ZNF132: variants seen among roughly 807,000 people sequenced by gnomAD.
The protein encoded by ZNF132 is zinc finger protein 132 (clone pHZ-12).
ZNF132 carries 6 observed loss-of-function variants against 9.3 expected under a neutral mutation model. The ratio of observed to expected loss-of-function variants is 0.65; its 90% CI spans 0.35 to 1.28. ZNF132 has a LOEUF of 1.28. Ranked by LOEUF, ZNF132 falls within the 50% of genes most tolerant of loss-of-function variation. The pLI, the probability that ZNF132 is intolerant of heterozygous loss-of-function variation, is 0.03. For synonymous variants in ZNF132, 296 were observed against 292.0 expected (o/e 1.01, Z -0.14); for missense variants, 877 against 843.2 (o/e 1.04, Z -0.50).
In ZNF132 at chr19:58,433,072, T is replaced by G. The variant is rs1215799528; in HGVS notation, c.*251A>C. On this transcript the variant is annotated 3_prime_UTR_variant, in exon 3 of 3. Transcript: ENST00000254166. Reference sequence around the variant, plus strand: ...AAGGCTCAGGGTACTGTTTTCCCCATGCATGAGGACAGGACTGCTGCAAAT... The same window carrying G: ...AAGGCTCAGGGTACTGTTTTCCCCAGGCATGAGGACAGGACTGCTGCAAAT... 1 of 416,804 alleles carries G rather than the reference T, an allele frequency of 2.4e-6. No individual in the cohort carries two copies. Among genetic ancestry groups the G allele is most frequent in the East Asian group, 3.3e-5 (1 of 30,594 alleles). 25.8% of individuals were successfully genotyped at this position (416,804 alleles called of 1,614,324 possible).
Position 58,434,417 on chromosome 19 carries a change from C to T in ZNF132, c.1027G>A (p.Gly343Arg). The change falls in exon 3 of 3, where the codon GGA becomes AGA. Residue 343 changes from glycine to arginine, a missense_variant. Coordinates refer to ENST00000254166, the MANE Select transcript of ZNF132 (RefSeq NM_003433.4). ...TCATCACACTCATAAGGTCTTTCTCCTGAGTGAATTCTCTGATGATGAACA... is the reference window on the plus strand; with the variant it reads ...TCATCACACTCATAAGGTCTTTCTCTTGAGTGAATTCTCTGATGATGAACA... Reference protein sequence around the residue: ...TFVHHQRIHSGERPYECDECG... With the variant: ...TFVHHQRIHSRERPYECDECG... The T allele has an allele frequency of 6.2e-7, 1 of 1,614,226 alleles. No individual in the cohort carries two copies. Among genetic ancestry groups the T allele is most frequent in the Admixed American group, 1.7e-5 (1 of 60,022 alleles).
intron 2 of ZNF132, chr19:58,435,750 T>A (rs2052769699): frequency 6.4e-6 from 1 of 155,898 alleles, no homozygotes; most frequent in South Asian, 2.0e-4. Context: ...CACACAAAAA[T>A]GTGTACAGGA....
Position 58,434,730 on chromosome 19 carries a change from G to T in ZNF132, c.714C>A (p.Cys238Ter), listed in dbSNP as rs762873569. The change falls in exon 3 of 3, where the codon TGC becomes TGA. Residue 238 changes from cysteine to a stop codon, truncating the protein, a stop_gained. Transcript: ENST00000254166. LOFTEE classifies it low-confidence loss of function (END_TRUNC). ...TCAGGAAGGCTTTTCCACAGTTGCTGCACTCGAAGAGTTTCTGTGTGGTAC... is the reference window on the plus strand; with the variant it reads ...TCAGGAAGGCTTTTCCACAGTTGCTTCACTCGAAGAGTTTCTGTGTGGTAC... The part of the protein sequence containing the change: ...EVCTTQKLFE[C>*]SNCGKAFLKS... 103 of 1,614,076 alleles carry T rather than the reference G, an allele frequency of 6.4e-5. 1 individual carries two copies. The highest frequency in any genetic ancestry group is 3.3e-4 in the Middle Eastern group (2 of 6,084).
intron 1 of ZNF132, among the ~76,000 whole-genome samples, 183 bp downstream of exon 1, chr19:58,439,576 A>G (rs1240798333): frequency 6.6e-6 from 1 of 152,220 alleles, no homozygotes; most frequent in Non-Finnish European, 1.5e-5. Context: ...ATCCCTCGAT[A>G]TAACCCCTTG....
intron 1 of ZNF132, 128 bp downstream of exon 1, chr19:58,439,631 C>G: frequency 1.9e-6 from 2 of 1,036,132 alleles, no homozygotes; most frequent in South Asian, 3.7e-5. Context: ...AGGGCAGGGC[C>G]CAGGACCCAC....
intron 1 of ZNF132, among the ~76,000 whole-genome samples, chr19:58,439,538 C>T (rs1217757116): frequency 6.6e-6 from 1 of 152,252 alleles, no homozygotes; most frequent in South Asian, 2.1e-4. Context: ...CCTTCCAGAT[C>T]TCATTCCACA....
chr19:58,437,548 A>G (rs773582678), intron 1 of ZNF132, among the ~76,000 whole-genome samples: 3 of 152,174 alleles, frequency 2.0e-5, no homozygotes, highest in South Asian at 2.1e-4. Context: ...CCTCCCAAAC[A>G]TAAGAAAATT....
In ZNF132 at chr19:58,439,930, C is replaced by G. The variant is rs1215371826; in HGVS notation, c.-109G>C. 1.7e-6 allele frequency: 2 copies of G among 1,168,152 alleles called. No individual in the cohort carries two copies. Among genetic ancestry groups the G allele is most frequent in the East Asian group, 5.6e-5 (2 of 35,686 alleles). 72.4% of individuals were successfully genotyped at this position (1,168,152 alleles called of 1,614,324 possible). On this transcript the variant is annotated 5_prime_UTR_variant, in exon 1 of 3. Coordinates refer to ENST00000254166, the MANE Select transcript of ZNF132 (RefSeq NM_003433.4). ...CCCAAATGCAAAATGCGCGCAAGGC[C>G]TCTGGGCACCGCAGGGACGAAGGCT...
rs374542260 is a variant in ZNF132 at position 58,435,124 on chromosome 19, T to C, written c.320A>G (p.Asp107Gly). 6.2e-7 allele frequency: 1 copy of C among 1,614,072 alleles called. No homozygotes were observed. Among genetic ancestry groups the C allele is most frequent in the Non-Finnish European group, 8.5e-7 (1 of 1,180,034 alleles). Reference sequence around the variant, plus strand: ...GGAGTTAGCTTTCTTGGTGGAAGGATCTGCATTAGGGATCCTGACCTGTAA... The same window carrying C: ...GGAGTTAGCTTTCTTGGTGGAAGGACCTGCATTAGGGATCCTGACCTGTAA... The part of the protein sequence containing the change: ...EVLQVRIPNA[D>G]PSTKKANSCD... Residue 107 changes from aspartate to glycine, a missense_variant, in exon 3 of 3, where the codon GAT becomes GGT. Coordinates refer to ENST00000254166, the MANE Select transcript of ZNF132 (RefSeq NM_003433.4).
chr19:58,434,677 C>T lies in ZNF132; in HGVS notation c.767G>A (p.Arg256Lys), dbSNP rs2052762571. 3 of 1,614,074 alleles carry T rather than the reference C, an allele frequency of 1.9e-6. No homozygotes were observed. The highest frequency in any genetic ancestry group is 2.5e-6 in the Non-Finnish European group (3 of 1,180,048). Residue 256 changes from arginine to lysine, a missense_variant, in exon 3 of 3, where the codon AGA (arginine) becomes AAA (lysine). Coordinates refer to ENST00000254166, the MANE Select transcript of ZNF132 (RefSeq NM_003433.4). ...LKSSTLPNHL[R>K]THSEEIPFTC... ...AAATGGTATCTCTTCAGAGTGAGTTCTCAGATGGTTGGGGAGAGTGGAGCT... is the reference window on the plus strand; with the variant it reads ...AAATGGTATCTCTTCAGAGTGAGTTTTCAGATGGTTGGGGAGAGTGGAGCT...
rs769340641 is a variant in ZNF132, at chr19:58,434,697, G to A, written c.747C>T (p.Ser249=). The A allele has an allele frequency of 3.7e-6, 6 of 1,614,180 alleles. No individual in the cohort carries two copies. The East Asian group carries it at 1.3e-4, about 36-fold the overall frequency. Residue 249 remains serine (S), a synonymous_variant, in exon 3 of 3, where the codon TCC becomes TCT. Coordinates refer to ENST00000254166, the MANE Select transcript of ZNF132 (RefSeq NM_003433.4). ...SNCGKAFLKS[S]TLPNHLRTHS... is the part of the protein sequence containing the mutation. ...GAGTTCTCAGATGGTTGGGGAGAGT[G>A]GAGCTCTTCAGGAAGGCTTTTCCAC...
rs1599964099 is a variant in ZNF132, at chr19:58,433,235, G to A, written c.*88C>T. The A allele has an allele frequency of 2.9e-6, 4 of 1,378,840 alleles. No homozygotes were observed. The East Asian group carries it at 9.2e-5, about 32-fold the overall frequency. The allele number at this position is 1,378,840 out of a possible 1,614,324, so 85.4% of individuals were successfully genotyped here. On this transcript the variant is annotated 3_prime_UTR_variant, in exon 3 of 3. Coordinates refer to ENST00000254166, the MANE Select transcript of ZNF132 (RefSeq NM_003433.4). ...CTTTTCCACATTAGCAGTACATGTA[G>A]GTAATTTTTCTGGTATGGGGATTCT...
At chr19:58,438,718 C>T (rs931026749) in intron 1 of ZNF132, among the ~76,000 whole-genome samples, 11 of 151,872 alleles carry the variant, frequency 7.2e-5, no homozygotes, top group African/African-American at 2.7e-4. Flanking sequence ...AGTGATCCAC[C>T]TGCCTCGGCC....
chr19:58,436,667 C>CA (rs56078209), intron 2 of ZNF132, among the ~76,000 whole-genome samples: 7,702 of 62,546 alleles, frequency 0.12, 340 homozygotes, highest in East Asian at 0.36. Flanking sequence ...GACTCCATCT[C>CA]AAAAAAAAAA....
In ZNF132 at chr19:58,434,890, A is replaced by G. The variant is rs1170645960; in HGVS notation, c.554T>C (p.Val185Ala). 1.2e-6 allele frequency: 2 copies of G among 1,614,138 alleles called. No individual in the cohort carries two copies. Among genetic ancestry groups the G allele is most frequent in the South Asian group, 2.2e-5 (2 of 91,080 alleles). The change falls in exon 3 of 3, where the codon GTC becomes GCC. Residue 185 changes from valine (V) to alanine (A), a missense_variant. By Grantham distance (64) the Val-to-Ala change is moderately conservative. Transcript: ENST00000254166. ...DRDALMKSSK[V>A]HLSENPFTCR... Reference sequence around the variant, plus strand: ...AGTGAAGGGGTTCTCTGACAGGTGGACTTTAGAGCTCTTCATAAGTGCGTC... The same window carrying G: ...AGTGAAGGGGTTCTCTGACAGGTGGGCTTTAGAGCTCTTCATAAGTGCGTC...
rs1002080233 is a variant in ZNF132, at chr19:58,435,030, C to T, written c.414G>A (p.Glu138=). ...HLAEHQGTQS[E]EKPYTCGACG... is the part of the protein sequence containing the mutation. ...ATGCTCCACATGTGTAGGGTTTCTCCTCAGACTGTGTTCCCTGATGCTCAG... is the reference window on the plus strand; with the variant it reads ...ATGCTCCACATGTGTAGGGTTTCTCTTCAGACTGTGTTCCCTGATGCTCAG... Residue 138 remains glutamate (E), a synonymous_variant, in exon 3 of 3, where the codon GAG becomes GAA. Transcript: ENST00000254166. 1 of 1,614,196 alleles carries T rather than the reference C, an allele frequency of 6.2e-7. No individual in the cohort carries two copies. Among genetic ancestry groups the T allele is most frequent in the Non-Finnish European group, 8.5e-7 (1 of 1,180,042 alleles).
Position 58,434,689 on chromosome 19 carries a change from G to T in ZNF132, c.755C>A (p.Pro252His), listed in dbSNP as rs1465789. Reference sequence around the variant, plus strand: ...TTCAGAGTGAGTTCTCAGATGGTTGGGGAGAGTGGAGCTCTTCAGGAAGGC... The same window carrying T: ...TTCAGAGTGAGTTCTCAGATGGTTGTGGAGAGTGGAGCTCTTCAGGAAGGC... Reference protein sequence around the residue: ...GKAFLKSSTLPNHLRTHSEEI... With the variant: ...GKAFLKSSTLHNHLRTHSEEI... Residue 252 changes from proline to histidine, a missense_variant, in exon 3 of 3, where the codon CCC becomes CAC. By Grantham distance (77) the Pro-to-His change is moderately conservative. Transcript: ENST00000254166. 6.2e-7 allele frequency: 1 copy of T among 1,613,960 alleles called. No homozygotes were observed. The highest frequency in any genetic ancestry group is 1.7e-5 in the Admixed American group (1 of 59,996).
Position 58,439,988 on chromosome 19 carries a change from G to C in ZNF132, c.-167C>G. 1.5e-6 allele frequency: 1 copy of C among 668,086 alleles called. No homozygotes were observed. The highest frequency in any genetic ancestry group is 2.5e-6 in the Non-Finnish European group (1 of 399,908). The allele number at this position is 668,086 out of a possible 1,614,324, so 41.4% of individuals were successfully genotyped here. A position where few individuals can be genotyped will look rare whatever the true frequency, so the allele number is the denominator to read the frequency against. On this transcript the variant is annotated 5_prime_UTR_variant, in exon 1 of 3. Coordinates refer to ENST00000254166, the MANE Select transcript of ZNF132 (RefSeq NM_003433.4). The stretch of plus-strand genomic sequence containing the variant: ...GAGACCCTGGAGACGCGTGGCGCTG[G>C]CTCCACTTTCGGGAACACCTTGGCT...
At chr19:58,436,565 G>A (rs1376275065) in intron 2 of ZNF132, among the ~76,000 whole-genome samples, 6 of 151,386 alleles carry the variant, frequency 4.0e-5, no homozygotes, top group African/African-American at 1.5e-4. Context: ...CTACTTGGGA[G>A]GCTGAGGCAG....
Sources: gnomAD v4.1 joint callset for allele counts (sites outside exome capture counted in the v4.1 genomes callset) on GRCh38, gnomAD v4.1.1 for gene constraint, MANE v1.5 for transcripts, NCBI Gene and HGNC (gene_info 2026-07-23, HGNC 2026-07-21) for gene names.